Variants in ACOT7 observed in about 807,000 individuals in gnomAD.
The protein encoded by ACOT7 is cytosolic acyl coenzyme A thioester hydrolase.
In ACOT7, 12 loss-of-function variants were observed where a neutral mutation model predicts 40.2. The observed-to-expected ratio is 0.30, with a 90% confidence interval of 0.19 to 0.48. ACOT7 has a LOEUF of 0.48. Among genes scored for constraint, ACOT7 ranks in the 20% least tolerant of loss-of-function variants. The probability of loss-of-function intolerance (pLI) is 0.99; values close to 1 mark genes in which losing one functional copy is unlikely to be tolerated. For missense variants in ACOT7, 395 were observed against 530.8 expected (o/e 0.74, Z 2.51); for synonymous variants, 228 against 219.5 (o/e 1.04, Z -0.34).
intron 1 of ACOT7, among the ~76,000 whole-genome samples, chr1:6,369,916 T>C (rs1642096317): frequency 6.6e-6 from 1 of 152,200 alleles, no homozygotes; most frequent in Non-Finnish European, 1.5e-5. Context: ...CCTTGATCCA[T>C]AGGTTGCAGA....
intron 6 of ACOT7, among the ~76,000 whole-genome samples, chr1:6,305,634 G>A (rs1459112049): frequency 7.7e-4 from 116 of 150,770 alleles, no homozygotes; most frequent in African/African-American, 2.7e-3. Context: ...GATGATGGGC[G>A]GCCGGGCAGA....
intron 6 of ACOT7, chr1:6,307,021 A>G: frequency 1.0e-6 from 1 of 986,294 alleles, no homozygotes; most frequent in Non-Finnish European, 1.4e-6. Flanking sequence ...CTATAGTCTC[A>G]GGCTAAGCTG....
At position 6,360,502 on chromosome 1, in the gene ACOT7, G is replaced by T. The variant is rs1157032033; in HGVS notation, c.144-10636C>A. 7.6e-6 allele frequency: 12 copies of T among 1,588,740 alleles called. No individual in the cohort carries two copies. The East Asian group carries it at 2.7e-4, about 36-fold the overall frequency. On this transcript the variant is annotated intron_variant, in intron 1 of 8. Transcript: ENST00000361521. ...TCTCCCACCCTGGCACACAGGACAG[G>T]TCCTCCCAAACACACTTCCCTCCCC... is the stretch of plus-strand genomic sequence containing the variant.
intron 8 of ACOT7, among the ~76,000 whole-genome samples, chr1:6,279,949 A>G (rs1366173556): frequency 6.6e-6 from 1 of 152,134 alleles, no homozygotes; most frequent in Admixed American, 6.5e-5. Flanking sequence ...AGGCTCTGAG[A>G]GGAATGGGTT....
intron 1 of ACOT7, among the ~76,000 whole-genome samples, chr1:6,383,240 T>C (rs1408912064): frequency 6.8e-6 from 1 of 147,176 alleles, no homozygotes; most frequent in Non-Finnish European, 1.5e-5. Context: ...CAGGCTGGAG[T>C]GTAGTGGCGC....
In ACOT7 at chr1:6,274,161, C is replaced by T; in HGVS notation, c.1014+6941G>A. ...GCAGGCACCATCATGGAAAGCTTGC[C>T]CCATGCTTCCTCCTAAGTGCAAAGG... On this transcript the variant is annotated intron_variant, in intron 8 of 8. Transcript: ENST00000361521. The surrounding 1 kb of genome is among the most constrained non-coding windows in gnomAD (Gnocchi z 5.9). Among the ~76,000 whole-genome samples the T allele has an allele frequency of 6.6e-6, 1 of 152,180 alleles. No individual in the cohort carries two copies. The highest frequency in any genetic ancestry group is 1.9e-4 in the East Asian group (1 of 5,198).
chr1:6,385,583 A>C lies in ACOT7; in HGVS notation c.143+7674T>G, dbSNP rs779407085. On this transcript the variant is annotated intron_variant, in intron 1 of 8. Coordinates refer to ENST00000361521, the MANE Select transcript of ACOT7 (RefSeq NM_007274.4). ...CGCAGCACCCTCGCCGGGGCCCCAC[A>C]CATCCCTGGCCAGCCACCAGCCTCC... 3 of 1,612,126 alleles carry C rather than the reference A, an allele frequency of 1.9e-6. No homozygotes were observed. In the South Asian group the frequency reaches 3.3e-5, roughly 18 times the overall value.
Position 6,311,870 on chromosome 1 carries a change from T to A in ACOT7, c.712+6622A>T, listed in dbSNP as rs1349056594. Among the ~76,000 whole-genome samples the A allele has an allele frequency of 6.6e-6, 1 of 152,126 alleles. No homozygotes were observed. Among genetic ancestry groups the A allele is most frequent in the Non-Finnish European group, 1.5e-5 (1 of 68,024 alleles). On this transcript the variant is annotated intron_variant, in intron 6 of 8. Coordinates refer to ENST00000361521, the MANE Select transcript of ACOT7 (RefSeq NM_007274.4). The surrounding 1 kb of genome is among the most constrained non-coding windows in gnomAD (Gnocchi z 5.2). Reference sequence around the variant, plus strand: ...GAATTCCCTGGGGAGCTTGGGACACTACAGCTCCTGGACACCCCTCACCCC... The same window carrying A: ...GAATTCCCTGGGGAGCTTGGGACACAACAGCTCCTGGACACCCCTCACCCC...
Position 6,386,343 on chromosome 1 carries a change from C to T in ACOT7, c.143+6914G>A, listed in dbSNP as rs532110269. ...TCAGGAGCCTGGTTTTCTTTTTATT[C>T]TTCATTGTGGTAAACATCAAATGCT... On this transcript the variant is annotated intron_variant, in intron 1 of 8. Coordinates refer to ENST00000361521, the MANE Select transcript of ACOT7 (RefSeq NM_007274.4). 2.0e-5 allele frequency among the ~76,000 whole-genome samples: 3 copies of T among 152,274 alleles called. No individual in the cohort carries two copies. The South Asian group carries it at 6.2e-4, about 32-fold the overall frequency.
rs571708639 is a variant in ACOT7 at position 6,383,728 on chromosome 1, G to A, written c.143+9529C>T. 7.9e-5 allele frequency among the ~76,000 whole-genome samples: 12 copies of A among 151,180 alleles called. No individual in the cohort carries two copies. The East Asian group carries it at 1.4e-3, about 17-fold the overall frequency. Reference sequence around the variant, plus strand: ...GGCTAATTTTTTTTTCTTTTGAGACGGAGTCTTGCTCCGTGGCCCAGGCTG... The same window carrying A: ...GGCTAATTTTTTTTTCTTTTGAGACAGAGTCTTGCTCCGTGGCCCAGGCTG... On this transcript the variant is annotated intron_variant, in intron 1 of 8. Coordinates refer to ENST00000361521, the MANE Select transcript of ACOT7 (RefSeq NM_007274.4).
At chr1:6,341,241 A>AAT in intron 2 of ACOT7, among the ~76,000 whole-genome samples, 1 of 151,510 alleles carries the variant, frequency 6.6e-6, no homozygotes, top group South Asian at 2.1e-4. Flanking sequence ...TCCAGGATTC[A>AAT]GGCAATTCTC....
intron 2 of ACOT7, among the ~76,000 whole-genome samples, chr1:6,347,533 C>T (rs532883348): frequency 1.1e-4 from 17 of 152,214 alleles, no homozygotes; most frequent in African/African-American, 3.4e-4. Flanking sequence ...GTGAGGCCGA[C>T]GTGGGCAGAT....
At chr1:6,300,607 G>A (rs1236512392) in intron 6 of ACOT7, among the ~76,000 whole-genome samples, 1 of 121,694 alleles carries the variant, frequency 8.2e-6, no homozygotes, top group Non-Finnish European at 1.6e-5. Context: ...GAATCTCACC[G>A]GACCCCACCC....
intron 5 of ACOT7, among the ~76,000 whole-genome samples, chr1:6,318,807 ACT>A (rs1167152906): frequency 1.3e-5 from 2 of 151,248 alleles, no homozygotes; most frequent in Non-Finnish European, 1.5e-5. Flanking sequence ...CCATGACGAG[ACT>A]CTCTGGGGCC....
intron 2 of ACOT7, 90 bp downstream of exon 2, chr1:6,349,659 G>T: frequency 1.6e-6 from 2 of 1,263,258 alleles, no homozygotes; most frequent in East Asian, 2.5e-5. Context: ...GGGAGGGAAG[G>T]CTGCAGGCCT....
chr1:6,269,480 G>A (rs748684452), intron 8 of ACOT7, among the ~76,000 whole-genome samples: 5 of 152,184 alleles, frequency 3.3e-5, no homozygotes, highest in African/African-American at 4.8e-5. Context: ...CCAGGCCATC[G>A]AGCATTCCCA....
intron 5 of ACOT7, among the ~76,000 whole-genome samples, chr1:6,323,470 C>T (rs1369931608): frequency 6.6e-6 from 1 of 152,110 alleles, no homozygotes; most frequent in Non-Finnish European, 1.5e-5. Context: ...GTAATCCCAA[C>T]ACTTTGGGAG....
rs958478731 is a variant in ACOT7, at chr1:6,264,544, C to A, written c.*53G>T. The A allele has an allele frequency of 1.0e-4, 156 of 1,551,594 alleles. No homozygotes were observed. The highest frequency in any genetic ancestry group is 1.3e-4 in the Non-Finnish European group (150 of 1,139,928). ...AGGGGGGAACTTCTAAGTGACTGGA[C>A]ACTGGGCCCGTTGCCATGGCTACTC... On this transcript the variant is annotated 3_prime_UTR_variant, in exon 9 of 9. Transcript: ENST00000361521.
At chr1:6,308,812 G>A (rs1461022030) in intron 6 of ACOT7, among the ~76,000 whole-genome samples, 1 of 151,926 alleles carries the variant, frequency 6.6e-6, no homozygotes, top group East Asian at 1.9e-4. Context: ...ACTGGGCGGA[G>A]GGAAAAGCGA....
Sources: gnomAD v4.1 joint callset for allele counts (sites outside exome capture counted in the v4.1 genomes callset) on GRCh38, gnomAD v4.1.1 for gene constraint, Gnocchi (gnomAD v3.1) non-coding constraint, MANE v1.5 for transcripts, NCBI Gene and HGNC (gene_info 2026-07-23, HGNC 2026-07-21) for gene names.